Variants in SGCD observed in about 807,000 individuals in gnomAD.
SGCD encodes the protein delta-sarcoglycan.
In SGCD, 18 loss-of-function variants were observed where a neutral mutation model predicts 36.6. The ratio of observed to expected loss-of-function variants is 0.49; its 90% CI spans 0.34 to 0.73. The LOEUF is 0.73. Ranked by LOEUF, SGCD falls within the 30% of genes least tolerant of loss-of-function variation. The pLI, the probability that SGCD is intolerant of heterozygous loss-of-function variation, is 0.01. For missense variants in SGCD, 387 were observed against 346.7 expected (o/e 1.12, Z -0.92); for synonymous variants, 133 against 130.6 (o/e 1.02, Z -0.12).
intron 1 of SGCD, among the ~76,000 whole-genome samples, chr5:156,016,984 C>T (rs191439495): frequency 6.6e-6 from 1 of 152,274 alleles, no homozygotes; most frequent in East Asian, 1.9e-4. Flanking sequence ...TGCATATTCT[C>T]TTCTGTTGGG....
chr5:156,725,573 G>A (rs1363931846), intron 7 of SGCD, among the ~76,000 whole-genome samples: 1 of 152,178 alleles, frequency 6.6e-6, no homozygotes, highest in Non-Finnish European at 1.5e-5. Flanking sequence ...CCTTTCTCTG[G>A]AGGGAAAGGT....
At chr5:156,695,131 T>G (rs1241034831) in intron 7 of SGCD, among the ~76,000 whole-genome samples, 1 of 109,326 alleles carries the variant, frequency 9.1e-6, no homozygotes, top group Non-Finnish European at 1.9e-5. Flanking sequence ...TGTGTGTGTG[T>G]GTGTGTTTGT....
chr5:156,196,739 GA>G (rs1389049131), intron 3 of SGCD, among the ~76,000 whole-genome samples: 5 of 152,046 alleles, frequency 3.3e-5, no homozygotes, highest in African/African-American at 1.2e-4. Context: ...CTAAATTCTA[GA>G]AATATATTAT....
intron 1 of SGCD, among the ~76,000 whole-genome samples, chr5:155,974,825 C>T (rs1179610834): frequency 2.0e-5 from 3 of 151,740 alleles, no homozygotes; most frequent in Admixed American, 6.6e-5. Flanking sequence ...GAATGGGAGG[C>T]CTCATCTCCT....
chr5:155,961,038 C>T (rs187329402), intron 1 of SGCD, among the ~76,000 whole-genome samples: 1 of 152,188 alleles, frequency 6.6e-6, no homozygotes, highest in Non-Finnish European at 1.5e-5. Context: ...CTAGGACTTT[C>T]AGAAGCACAC....
At chr5:156,216,909 A>G (rs1764589991) in intron 3 of SGCD, among the ~76,000 whole-genome samples, 1 of 151,744 alleles carries the variant, frequency 6.6e-6, no homozygotes, top group Admixed American at 6.6e-5. Flanking sequence ...CAAAACCCCA[A>G]CTCTACTAAA....
At chr5:156,457,430 C>A (rs552516785) in intron 3 of SGCD, among the ~76,000 whole-genome samples, 2 of 152,254 alleles carry the variant, frequency 1.3e-5, no homozygotes, top group South Asian at 4.1e-4. Flanking sequence ...AGAGTCATTT[C>A]CATAAAAAGC....
At chr5:155,969,382 T>TGTGTTTGTTTG (rs1417079599) in intron 1 of SGCD, among the ~76,000 whole-genome samples, 1 of 152,080 alleles carries the variant, frequency 6.6e-6, no homozygotes, top group Non-Finnish European at 1.5e-5. Context: ...CTGTAAGAAA[T>TGTGTTTGTTTG]CCTACAGAGC....
intron 1 of SGCD, among the ~76,000 whole-genome samples, chr5:156,112,058 G>A (rs1045657173): frequency 1.3e-5 from 2 of 152,176 alleles, no homozygotes; most frequent in East Asian, 3.8e-4. Flanking sequence ...GGGATTACAA[G>A]AGGTGGATTT....
At chr5:156,273,874 GT>G (rs1766247765) in intron 3 of SGCD, among the ~76,000 whole-genome samples, 1 of 152,304 alleles carries the variant, frequency 6.6e-6, no homozygotes, top group South Asian at 2.1e-4. Context: ...CGGTTGTCAT[GT>G]TTTTTGTTGG....
intron 3 of SGCD, among the ~76,000 whole-genome samples, chr5:156,412,201 C>A (rs889496945): frequency 1.3e-5 from 2 of 152,190 alleles, no homozygotes; most frequent in Non-Finnish European, 2.9e-5. Context: ...CACATCCTAC[C>A]TGGGTGAGAC....
intron 1 of SGCD, among the ~76,000 whole-genome samples, chr5:156,005,739 C>T (rs1204246973): frequency 2.0e-5 from 3 of 152,162 alleles, no homozygotes; most frequent in African/African-American, 4.8e-5. Flanking sequence ...CGTGAGCCAC[C>T]GTGCCCGGCC....
intron 6 of SGCD, among the ~76,000 whole-genome samples, chr5:156,596,124 A>T (rs1383321761): frequency 2.6e-5 from 4 of 152,154 alleles, no homozygotes; most frequent in Non-Finnish European, 5.9e-5. Flanking sequence ...ACTCTGTTAC[A>T]TCCACTTATC....
intron 7 of SGCD, among the ~76,000 whole-genome samples, chr5:156,684,327 G>A (rs1320418745): frequency 1.3e-5 from 2 of 152,136 alleles, no homozygotes; most frequent in Non-Finnish European, 2.9e-5. Flanking sequence ...GTAGTCAGCA[G>A]CATGAGCTCC....
chr5:155,819,376 C>T, the SGCD span, among the ~76,000 whole-genome samples: 1 of 151,956 alleles, frequency 6.6e-6, no homozygotes, highest in African/African-American at 2.4e-5. Flanking sequence ...TTCAACACGA[C>T]TTAATTATAT....
chr5:156,365,465 T>C (rs1362596848), intron 3 of SGCD, among the ~76,000 whole-genome samples: 1 of 152,196 alleles, frequency 6.6e-6, no homozygotes, highest in African/African-American at 2.4e-5. Flanking sequence ...TGCTTTATCT[T>C]CTGACCTGTA....
chr5:155,772,381 C>A, the SGCD span, among the ~76,000 whole-genome samples: 1 of 152,262 alleles, frequency 6.6e-6, no homozygotes, highest in East Asian at 1.9e-4. Context: ...CTTCTGGGCT[C>A]TCAGGAGGGA....
At chr5:156,364,740 C>T (rs1327348013) in intron 3 of SGCD, among the ~76,000 whole-genome samples, 1 of 152,144 alleles carries the variant, frequency 6.6e-6, no homozygotes, top group African/African-American at 2.4e-5. Context: ...GACAGTGCTT[C>T]AAGAATAATG....
chr5:156,607,204 T>C (rs1004419549), intron 6 of SGCD, among the ~76,000 whole-genome samples: 4 of 152,228 alleles, frequency 2.6e-5, no homozygotes, highest in African/African-American at 9.6e-5. Flanking sequence ...GCTCTTATTA[T>C]TTTGAGATAC....
Sources: allele counts gnomAD v4.1 joint callset (sites outside exome capture counted in the v4.1 genomes callset), GRCh38; gene constraint gnomAD v4.1.1; transcripts MANE v1.5; gene names NCBI Gene and HGNC (gene_info 2026-07-23, HGNC 2026-07-21).